The following MTRR variants were observed in gnomAD, a reference collection of about 807,000 sequenced individuals.
MTRR encodes methionine synthase reductase.
Under a neutral mutation model 79.2 loss-of-function variants are expected in MTRR, and 63 were observed. The ratio of observed to expected loss-of-function variants is 0.80; its 90% CI spans 0.65 to 0.98. MTRR has a LOEUF of 0.98. Among genes scored for constraint, MTRR ranks in the 50% least tolerant of loss-of-function variants. The pLI is 0.00. For synonymous variants in MTRR, 355 were observed against 313.3 expected (o/e 1.13, Z -1.41); for missense variants, 895 against 839.6 (o/e 1.07, Z -0.82).
chr5:7,860,117 A>T (rs1195733435), intron 1 of MTRR, among the ~76,000 whole-genome samples: 1 of 152,198 alleles, frequency 6.6e-6, no homozygotes, highest in East Asian at 1.9e-4. Flanking sequence ...TAAGATGTAG[A>T]GAAGTTTTTA....
At chr5:7,897,306 G>T in intron 14 of MTRR, 59 bp downstream of exon 14, 13 of 1,554,438 alleles carry the variant, frequency 8.4e-6, no homozygotes, top group Admixed American at 1.7e-5. Context: ...GTCTGTAGAA[G>T]AAAAAAAGGA....
rs766488995 is a variant in MTRR, at chr5:7,885,747, G to T, written c.950G>T (p.Cys317Phe). The change falls in exon 7 of 15, where the codon TGC becomes TTC. Residue 317 changes from cysteine to phenylalanine, a missense_variant. Transcript: ENST00000440940. ...YQPGDAFSVI[C>F]PNSDSEVQSL... ...CCTGGAGATGCCTTCAGCGTGATCTGCCCTAACAGTGATTCTGAGGTACAA... is the reference window on the plus strand; with the variant it reads ...CCTGGAGATGCCTTCAGCGTGATCTTCCCTAACAGTGATTCTGAGGTACAA... The T allele has an allele frequency of 1.2e-6, 2 of 1,612,648 alleles. No homozygotes were observed. Among genetic ancestry groups the T allele is most frequent in the Admixed American group, 3.3e-5 (2 of 59,884 alleles).
intron 9 of MTRR, chr5:7,890,381 C>T (rs1737343590): frequency 1.0e-6 from 1 of 985,366 alleles, no homozygotes; most frequent in Non-Finnish European, 1.2e-6. Context: ...TCTTCGAGAA[C>T]CATCAGCAGG....
At chr5:7,869,290 G>T in intron 1 of MTRR, 75 bp downstream of exon 1, 1 of 1,568,120 alleles carries the variant, frequency 6.4e-7, no homozygotes, top group Admixed American at 1.7e-5. Flanking sequence ...GAGGCGGCCC[G>T]GGGCGGGGGT....
intron 3 of MTRR, among the ~76,000 whole-genome samples, chr5:7,874,855 G>A (rs1410889359): frequency 1.3e-5 from 2 of 152,188 alleles, no homozygotes; most frequent in African/African-American, 2.4e-5. Flanking sequence ...AAGAAAGGCA[G>A]TGCATGGTAT....
chr5:7,877,503 C>CAAA (rs11324670), intron 4 of MTRR, among the ~76,000 whole-genome samples: 3 of 100,502 alleles, frequency 3.0e-5, no homozygotes, highest in African/African-American at 1.1e-4. Context: ...ATTGGCTAGG[C>CAAA]AAAAAAAAAA....
At chr5:7,875,137 G>T in intron 3 of MTRR, 121 bp from the exon 4 acceptor site, 1 of 769,056 alleles carries the variant, frequency 1.3e-6, no homozygotes. Flanking sequence ...GTGAAGCTCT[G>T]CATTATTACT....
At chr5:7,873,757 G>A (rs971696100) in intron 3 of MTRR, among the ~76,000 whole-genome samples, 1 of 152,118 alleles carries the variant, frequency 6.6e-6, no homozygotes, top group Non-Finnish European at 1.5e-5. Flanking sequence ...TTTAATTAAG[G>A]ATGCACCTCA....
Position 7,892,906 on chromosome 5 carries a change from C to G in MTRR, c.1550C>G (p.Ala517Gly). The G allele has an allele frequency of 6.2e-7, 1 of 1,613,988 alleles. No individual in the cohort carries two copies. Among genetic ancestry groups the G allele is most frequent in the South Asian group, 1.1e-5 (1 of 91,068 alleles). The change falls in exon 11 of 15, where the codon GCT (alanine) becomes GGT (glycine). Residue 517 changes from alanine to glycine, a missense_variant. Coordinates refer to ENST00000440940, the MANE Select transcript of MTRR (RefSeq NM_002454.3). ...CATGAAGACAGCGGGAAAGCCCTGG[C>G]TCCTAAGGTAAGAAATTAGTACCTT... ...ASHEDSGKAL[A>G]PKISISPRTT...
intron 9 of MTRR, chr5:7,890,164 T>C: frequency 4.1e-6 from 3 of 729,332 alleles, no homozygotes; most frequent in Non-Finnish European, 1.7e-6. Context: ...TATTGTCCTT[T>C]TTACTCTTGG....
upstream of MTRR, chr5:7,851,021 T>C: frequency 8.0e-7 from 1 of 1,253,796 alleles, no homozygotes; most frequent in Non-Finnish European, 1.0e-6. Context: ...TCGTCCTCCA[T>C]GCCGCCACCG....
chr5:7,885,669 AT>A (rs11398509), intron 6 of MTRR, 31 bp from the exon 7 acceptor site: 2,815 of 1,395,974 alleles, frequency 2.0e-3, no homozygotes, highest in East Asian at 5.1e-3. Flanking sequence ...CGTATAATGT[AT>A]TTTTTTTTTT....
intron 1 of MTRR, among the ~76,000 whole-genome samples, chr5:7,851,851 G>T (rs1191082756): frequency 6.6e-6 from 1 of 152,158 alleles, no homozygotes; most frequent in East Asian, 1.9e-4. Context: ...CGTGATTGGT[G>T]GGTGTACAGC....
intron 12 of MTRR, chr5:7,896,588 GCT>G: frequency 7.9e-6 from 4 of 504,684 alleles, no homozygotes; most frequent in Admixed American, 6.5e-5. Flanking sequence ...TGAATGTAGA[GCT>G]CTCTCTAGAT....
chr5:7,876,928 T>C (rs2126685177), intron 4 of MTRR, among the ~76,000 whole-genome samples: 1 of 152,320 alleles, frequency 6.6e-6, no homozygotes, highest in Middle Eastern at 3.4e-3. Flanking sequence ...GAGAGTGATA[T>C]TTTACATGTA....
chr5:7,867,464 C>T (rs995718936), upstream of MTRR: 3 of 1,614,198 alleles, frequency 1.9e-6, no homozygotes, highest in Middle Eastern at 1.6e-4. Context: ...TTTTCTGAGA[C>T]GATTTTGGCA....
At chr5:7,864,764 GC>G (rs1225205481), upstream of MTRR, among the ~76,000 whole-genome samples, 1 of 151,194 alleles carries the variant, frequency 6.6e-6, no homozygotes, top group Non-Finnish European at 1.5e-5. Flanking sequence ...AGGAGACATG[GC>G]CACCTTCATT....
At chr5:7,898,038 A>T (rs923049625) in intron 14 of MTRR, among the ~76,000 whole-genome samples, 1 of 152,222 alleles carries the variant, frequency 6.6e-6, no homozygotes, top group Non-Finnish European at 1.5e-5. Context: ...TAGTTTTTAT[A>T]ACACATTCTG....
intron 9 of MTRR, among the ~76,000 whole-genome samples, chr5:7,889,691 G>A (rs927097910): frequency 3.3e-5 from 5 of 152,150 alleles, no homozygotes; most frequent in East Asian, 1.9e-4. Flanking sequence ...CAAAGCTAAC[G>A]AACATCATAT....
Sources: gnomAD v4.1 joint callset for allele counts (sites outside exome capture counted in the v4.1 genomes callset) on GRCh38, gnomAD v4.1.1 for gene constraint, MANE v1.5 for transcripts, NCBI Gene and HGNC (gene_info 2026-07-23, HGNC 2026-07-21) for gene names.